HDC: variants seen among roughly 807,000 people sequenced by gnomAD.
HDC encodes the protein histidine decarboxylase.
A neutral mutation model predicts 64.4 loss-of-function variants in HDC; 27 were observed. The ratio of observed to expected loss-of-function variants is 0.42; its 90% CI spans 0.31 to 0.58. The LOEUF (loss-of-function observed/expected upper bound fraction) is 0.58. Among genes scored for constraint, HDC ranks in the 20% least tolerant of loss-of-function variants. The probability of loss-of-function intolerance (pLI) is 0.16; values close to 1 mark genes in which losing one functional copy is unlikely to be tolerated. For missense variants in HDC, 711 were observed against 833.9 expected (o/e 0.85, Z 1.81); for synonymous variants, 305 against 314.2 (o/e 0.97, Z 0.31).
chr15:50,260,062 C>T (rs2045682910), intron 2 of HDC, among the ~76,000 whole-genome samples: 2 of 150,808 alleles, frequency 1.3e-5, no homozygotes, highest in Non-Finnish European at 2.9e-5. Flanking sequence ...CGCACTGTCA[C>T]CAGGGCTGGA....
At position 50,252,761 on chromosome 15, in the gene HDC, C is replaced by A. The variant is rs1235975264; in HGVS notation, c.801G>T (p.Gly267=). 6.2e-7 allele frequency: 1 copy of A among 1,613,252 alleles called. No homozygotes were observed. The highest frequency in any genetic ancestry group is 1.3e-5 in the African/African-American group (1 of 74,916). The change falls in exon 8 of 12, where the codon GGG becomes GGT. Residue 267 remains glycine (G), a synonymous_variant. Coordinates refer to ENST00000267845, the MANE Select transcript of HDC (RefSeq NM_002112.4). ...SELGPICARE[G]LWLHIDAAYA... is the part of the protein sequence containing the mutation. ...AAGCAGCATCGATGTGGAGCCACAGCCCCTCACGGGCACCTGAGGAGGCAA... is the reference window on the plus strand; with the variant it reads ...AAGCAGCATCGATGTGGAGCCACAGACCCTCACGGGCACCTGAGGAGGCAA...
intron 10 of HDC, among the ~76,000 whole-genome samples, chr15:50,246,122 G>T (rs2045478309): frequency 6.6e-6 from 1 of 152,154 alleles, no homozygotes; most frequent in South Asian, 2.1e-4. Flanking sequence ...TTCAGGGAAA[G>T]TCCCGGGCCT....
rs146711827 is a variant in HDC at position 50,242,757 on chromosome 15, T to C, written c.1492A>G (p.Arg498Gly). 7.9e-5 allele frequency: 127 copies of C among 1,614,062 alleles called. No individual in the cohort carries two copies. In the African/African-American group the frequency reaches 1.3e-3, roughly 17 times the overall value. The change falls in exon 12 of 12, where the codon AGA (arginine) becomes GGA (glycine). Residue 498 changes from arginine (R) to glycine (G), a missense_variant. Around this residue, in one of 3 missense-constraint regions of HDC, gnomAD observed 483 missense variants for 540.9 expected, o/e 0.89. Coordinates refer to ENST00000267845, the MANE Select transcript of HDC (RefSeq NM_002112.4). ...AGGGACGTTCCACAGGCCCAGGCTC[T>C]GGCACCCCTGATTTGGGAGATGAGG... ...GNLISQIRGA[R>G]AWACGTSLQS...
chr15:50,259,601 C>T (rs928178424), intron 2 of HDC, among the ~76,000 whole-genome samples: 15 of 152,144 alleles, frequency 9.9e-5, no homozygotes, highest in African/African-American at 3.6e-4. Flanking sequence ...TGCTGTGTCC[C>T]CTGATAGAAA....
At chr15:50,254,948 A>G (rs535052115) in intron 4 of HDC, among the ~76,000 whole-genome samples, 11 of 152,304 alleles carry the variant, frequency 7.2e-5, no homozygotes, top group African/African-American at 2.6e-4. Flanking sequence ...CACAGAAACC[A>G]AAAAGAGAAT....
chr15:50,260,974 T>G (rs1453788253), intron 2 of HDC, among the ~76,000 whole-genome samples: 1 of 152,174 alleles, frequency 6.6e-6, no homozygotes, highest in Non-Finnish European at 1.5e-5. Flanking sequence ...AATGAGGCAC[T>G]GAGCAAAATG....
chr15:50,252,587 C>T (rs2045571798), intron 8 of HDC, 25 bp downstream of exon 8: 1 of 1,614,180 alleles, frequency 6.2e-7, no homozygotes, highest in Non-Finnish European at 8.5e-7. Context: ...TTCCTGCGTG[C>T]TCGGAGCTGG....
chr15:50,260,372 G>C (rs777682257), intron 2 of HDC, among the ~76,000 whole-genome samples: 4 of 152,086 alleles, frequency 2.6e-5, no homozygotes, highest in Non-Finnish European at 4.4e-5. Flanking sequence ...TTACAGTACA[G>C]ACCCCATAAG....
At chr15:50,256,284 G>A (rs1041986506) in intron 4 of HDC, among the ~76,000 whole-genome samples, 8 of 152,304 alleles carry the variant, frequency 5.3e-5, no homozygotes, top group South Asian at 2.1e-4. Flanking sequence ...TCTTTCTTCC[G>A]AGGTTCAGAT....
Position 50,263,227 on chromosome 15 carries a change from T to G in HDC, c.204+8A>C. 6.2e-7 allele frequency: 1 copy of G among 1,614,018 alleles called. No individual in the cohort carries two copies. The highest frequency in any genetic ancestry group is 8.5e-7 in the Non-Finnish European group (1 of 1,179,922). ...TCCAGAACTGCCCTTGTGGTCACTG[T>G]GTCTCACCCCAGGCATGATGATTCG... is the stretch of plus-strand genomic sequence containing the variant. On this transcript the variant is annotated splice_region_variant and intron_variant, in intron 2 of 11. Transcript: ENST00000267845.
At chr15:50,253,067 A>G (rs2045580174) in intron 7 of HDC, 1 of 494,984 alleles carries the variant, frequency 2.0e-6, no homozygotes, top group African/African-American at 1.9e-5. Flanking sequence ...CACAGAAATC[A>G]ATTTCCCACC....
At position 50,254,654 on chromosome 15, in the gene HDC, C is replaced by T. The variant is rs1432093196; in HGVS notation, c.452G>A (p.Ser151Asn). 6.2e-7 allele frequency: 1 copy of T among 1,614,154 alleles called. No homozygotes were observed. Among genetic ancestry groups the T allele is most frequent in the Admixed American group, 1.7e-5 (1 of 60,026 alleles). Reference protein sequence around the residue: ...QGGGVLQSTVSESTLIALLAA... With the variant: ...QGGGVLQSTVNESTLIALLAA... ...CAGCAGGGCAATCAAAGTGGATTCA[C>T]TGACCGTGCTCTGCAGGGGAAAAGG... The change falls in exon 5 of 12, where the codon AGT (serine) becomes AAT (asparagine). Residue 151 changes from serine (S) to asparagine (N), a missense_variant. By Grantham distance (46) the Ser-to-Asn change is conservative. Around this residue, in one of 3 missense-constraint regions of HDC, gnomAD observed 225 missense variants for 276.2 expected, o/e 0.81. Transcript: ENST00000267845.
chr15:50,251,819 G>A lies in HDC; in HGVS notation c.1041+611C>T, dbSNP rs187239850. On this transcript the variant is annotated intron_variant, in intron 9 of 11. Transcript: ENST00000267845. ...TGCTCTCCAGCCTGGTTGACAGAGC[G>A]AGACTCTGTCTCAGAAAAAAAAAAA... Among the ~76,000 whole-genome samples the A allele has an allele frequency of 1.7e-3, 258 of 149,660 alleles. 1 individual carries two copies. Among genetic ancestry groups the A allele is most frequent in the African/African-American group, 6.0e-3 (243 of 40,232 alleles).
rs2045506177 is a variant in HDC, at chr15:50,248,131, C to T, written c.1140+114G>A. ...GGAGCTGAGGAACAGGCCCAGACAC[C>T]TGAACCACACACCGCAAGTCTCCTA... is the stretch of plus-strand genomic sequence containing the variant. On this transcript the variant is annotated intron_variant, in intron 10 of 11. Coordinates refer to ENST00000267845, the MANE Select transcript of HDC (RefSeq NM_002112.4). The surrounding 1 kb of genome is among the most constrained non-coding windows in gnomAD (Gnocchi z 4.3). The T allele has an allele frequency of 1.3e-6, 1 of 753,918 alleles. No individual in the cohort carries two copies. Among genetic ancestry groups the T allele is most frequent in the African/African-American group, 1.7e-5 (1 of 58,054 alleles). The allele number at this position is 753,918 out of a possible 1,614,324, so 46.7% of individuals were successfully genotyped here.
intron 8 of HDC, 35 bp downstream of exon 8, chr15:50,252,577 T>G (rs1388302949): frequency 6.2e-7 from 1 of 1,614,014 alleles, no homozygotes; most frequent in Non-Finnish European, 8.5e-7. Context: ...AGGCAAGGCG[T>G]TCCTGCGTGC....
intron 9 of HDC, among the ~76,000 whole-genome samples, chr15:50,251,694 C>T (rs28564355): frequency 0.054 from 8,158 of 152,088 alleles, 253 homozygotes; most frequent in South Asian, 0.13. Context: ...TTGCTGGGCG[C>T]GGTGGCTCAC....
rs770753940 is a variant in HDC at position 50,242,699 on chromosome 15, A to C, written c.1550T>G (p.Val517Gly). The C allele has an allele frequency of 8.7e-6, 14 of 1,613,972 alleles. No individual in the cohort carries two copies. Among genetic ancestry groups the C allele is most frequent in the Non-Finnish European group, 1.2e-5 (14 of 1,179,968 alleles). The change falls in exon 12 of 12, where the codon GTC (valine) becomes GGC (glycine). Residue 517 changes from valine (V) to glycine (G), a missense_variant. Around this residue, in one of 3 missense-constraint regions of HDC, gnomAD observed 483 missense variants for 540.9 expected, o/e 0.89. Coordinates refer to ENST00000267845, the MANE Select transcript of HDC (RefSeq NM_002112.4). ...QSVSGAGDDP[V>G]QARKIIKQPQ... Reference sequence around the variant, plus strand: ...CTGCTTGATGATCTTCCTGGCCTGGACTGGATCATCTCCTGCCCCACTGAC... The same window carrying C: ...CTGCTTGATGATCTTCCTGGCCTGGCCTGGATCATCTCCTGCCCCACTGAC...
At chr15:50,265,402 T>G (rs992636465) in intron 1 of HDC, among the ~76,000 whole-genome samples, 191 bp downstream of exon 1, 10 of 150,284 alleles carry the variant, frequency 6.7e-5, no homozygotes, top group Admixed American at 6.0e-4. Flanking sequence ...AATGAAAGAG[T>G]GGTTGAGAAA....
At chr15:50,251,341 G>A (rs1595704442) in intron 9 of HDC, among the ~76,000 whole-genome samples, 2 of 152,186 alleles carry the variant, frequency 1.3e-5, no homozygotes, top group Admixed American at 1.3e-4. Context: ...CTTGCCACAC[G>A]GCTATTTTGC....
Sources: gnomAD v4.1 joint callset for allele counts (sites outside exome capture counted in the v4.1 genomes callset) on GRCh38, gnomAD v4.1.1 for gene constraint, gnomAD v4.1.1 regional missense constraint, Gnocchi (gnomAD v3.1) non-coding constraint, MANE v1.5 for transcripts, NCBI Gene and HGNC (gene_info 2026-07-23, HGNC 2026-07-21) for gene names.